The following PCGF5 variants were observed in gnomAD, a reference collection of about 807,000 sequenced individuals.
The protein encoded by PCGF5 is polycomb group ring finger 5, also known as polycomb group RING finger protein 5.
In PCGF5, 9 loss-of-function variants were observed where a neutral mutation model predicts 44.3. The observed-to-expected ratio is 0.20, with a 90% CI of 0.12 to 0.35. PCGF5 has a LOEUF of 0.35. Ranked by LOEUF, PCGF5 falls within the 10% of genes least tolerant of loss-of-function variation. PCGF5 has a pLI of 1.00. For synonymous variants in PCGF5, 95 were observed against 102.5 expected (o/e 0.93, Z 0.44); for missense variants, 146 against 305.3 (o/e 0.48, Z 3.89).
intron 3 of PCGF5, among the ~76,000 whole-genome samples, chr10:91,243,537 G>T (rs1325812929): frequency 6.6e-6 from 1 of 152,146 alleles, no homozygotes; most frequent in Admixed American, 6.5e-5. Flanking sequence ...TAGCATAGCA[G>T]AGAGGTGAAG....
Position 91,278,395 on chromosome 10 carries a change from G to A in PCGF5, c.*79G>A. 1.6e-6 allele frequency: 2 copies of A among 1,281,056 alleles called. No homozygotes were observed. Among genetic ancestry groups the A allele is most frequent in the Non-Finnish European group, 2.3e-6 (2 of 879,502 alleles). 79.4% of individuals were successfully genotyped at this position (1,281,056 alleles called of 1,614,324 possible). ...CAACAGATTGCACAGTTAACGGTGT[G>A]TGGACTAGAGGAACACAACCAGATT... On this transcript the variant is annotated 3_prime_UTR_variant, in exon 10 of 10. Coordinates refer to ENST00000336126, the MANE Select transcript of PCGF5 (RefSeq NM_032373.5).
At chr10:91,177,279 A>T (rs1421474662) in intron 1 of PCGF5, among the ~76,000 whole-genome samples, 1 of 151,620 alleles carries the variant, frequency 6.6e-6, no homozygotes, top group African/African-American at 2.4e-5. Flanking sequence ...TTTGTCTCAG[A>T]GGGGTACCCG....
At chr10:91,262,617 G>A (rs1194291456) in intron 7 of PCGF5, among the ~76,000 whole-genome samples, 1 of 152,168 alleles carries the variant, frequency 6.6e-6, no homozygotes, top group Non-Finnish European at 1.5e-5. Context: ...GGAAGCCGCT[G>A]ATCCTGAGCT....
chr10:91,202,784 T>TA (rs1844276985), intron 1 of PCGF5, among the ~76,000 whole-genome samples: 1 of 152,210 alleles, frequency 6.6e-6, no homozygotes, highest in South Asian at 2.1e-4. Flanking sequence ...AGATTGGCCA[T>TA]TTATGCTATA....
Position 91,191,414 on chromosome 10 carries a change from A to G in PCGF5, c.-184+28333A>G, listed in dbSNP as rs78530014. Among the ~76,000 whole-genome samples, 1,360 of 152,300 alleles carry G rather than the reference A, an allele frequency of 8.9e-3. 16 individuals carry two copies. Among genetic ancestry groups the G allele is most frequent in the African/African-American group, 0.031 (1,271 of 41,548 alleles). On this transcript the variant is annotated intron_variant, in intron 1 of 9. Coordinates refer to the PCGF5 transcript ENST00000614189. ...ACAGAGAGGGACCACATGAGATATCATCACACTACTCAGATGGCACACAAT... is the reference window on the plus strand; with the variant it reads ...ACAGAGAGGGACCACATGAGATATCGTCACACTACTCAGATGGCACACAAT...
chr10:91,252,623 A>G (rs936766494), intron 6 of PCGF5, among the ~76,000 whole-genome samples: 1 of 152,032 alleles, frequency 6.6e-6, no homozygotes, highest in African/African-American at 2.4e-5. Context: ...CACTGTACCT[A>G]TTTATCCTTA....
chr10:91,179,630 A>G (rs1356811866), intron 1 of PCGF5, among the ~76,000 whole-genome samples: 1 of 152,182 alleles, frequency 6.6e-6, no homozygotes, highest in Non-Finnish European at 1.5e-5. Context: ...TTAGTTTGCT[A>G]AGGATAATGG....
In PCGF5 at chr10:91,222,959, A is replaced by G; in HGVS notation, c.88A>G (p.Thr30Ala). The G allele has an allele frequency of 6.2e-7, 1 of 1,606,048 alleles. No homozygotes were observed. The highest frequency in any genetic ancestry group is 8.5e-7 in the Non-Finnish European group (1 of 1,172,626). The change falls in exon 2 of 10, where the codon ACA becomes GCA. Residue 30 changes from threonine to alanine, a missense_variant. Thr to Ala is a moderately conservative substitution (Grantham distance 58). Coordinates refer to ENST00000336126, the MANE Select transcript of PCGF5 (RefSeq NM_032373.5). ...ICKGYLIKPTTVTECLHTFCK... is the reference protein window; with the variant it reads ...ICKGYLIKPTAVTECLHTFCK... Reference sequence around the variant, plus strand: ...TAAAGGGTATCTGATCAAGCCAACAACAGTGACGGAATGCCTCCATACATG... The same window carrying G: ...TAAAGGGTATCTGATCAAGCCAACAGCAGTGACGGAATGCCTCCATACATG...
intron 2 of PCGF5, among the ~76,000 whole-genome samples, chr10:91,237,298 TAATAAC>T (rs976477142): frequency 2.6e-5 from 4 of 152,216 alleles, no homozygotes; most frequent in African/African-American, 9.7e-5. Context: ...TTAACTATGA[TAATAAC>T]AGTATATCAT....
At chr10:91,244,736 T>C (rs1315966950) in intron 3 of PCGF5, among the ~76,000 whole-genome samples, 3 of 152,256 alleles carry the variant, frequency 2.0e-5, no homozygotes, top group African/African-American at 7.2e-5. Flanking sequence ...CAGCAAGGTT[T>C]GCTGGTGGAT....
intron 1 of PCGF5, among the ~76,000 whole-genome samples, chr10:91,198,897 A>G (rs1475197037): frequency 1.3e-5 from 2 of 152,174 alleles, no homozygotes; most frequent in Non-Finnish European, 2.9e-5. Context: ...TTTTCTTGCC[A>G]GGCCATTCTT....
At chr10:91,180,589 G>A (rs1843800413) in intron 1 of PCGF5, among the ~76,000 whole-genome samples, 1 of 151,854 alleles carries the variant, frequency 6.6e-6, no homozygotes, top group Non-Finnish European at 1.5e-5. Context: ...ATTTATTTAT[G>A]CTATTTATGA....
At chr10:91,217,028 G>A (rs1844553684), upstream of PCGF5, among the ~76,000 whole-genome samples, 1 of 150,068 alleles carries the variant, frequency 6.7e-6, no homozygotes, top group South Asian at 2.1e-4. Context: ...TTATAATAAT[G>A]AAAATTTCAC....
At chr10:91,245,687 G>A (rs1242972312) in intron 3 of PCGF5, among the ~76,000 whole-genome samples, 1 of 152,174 alleles carries the variant, frequency 6.6e-6, no homozygotes, top group Non-Finnish European at 1.5e-5. Context: ...TGTAGCAACA[G>A]GCAGGCAGAC....
upstream of PCGF5, among the ~76,000 whole-genome samples, chr10:91,218,648 A>T (rs1010065214): frequency 6.6e-6 from 1 of 152,046 alleles, no homozygotes; most frequent in Non-Finnish European, 1.5e-5. Flanking sequence ...TATTATTATT[A>T]TTGAGACAGA....
intron 2 of PCGF5, among the ~76,000 whole-genome samples, chr10:91,226,725 A>G (rs1844850991): frequency 6.6e-6 from 1 of 152,158 alleles, no homozygotes; most frequent in African/African-American, 2.4e-5. Context: ...TGAGCTCATC[A>G]AAAGGAAATA....
intron 2 of PCGF5, among the ~76,000 whole-genome samples, chr10:91,235,811 T>A (rs554209922): frequency 6.6e-6 from 1 of 152,228 alleles, no homozygotes; most frequent in Non-Finnish European, 1.5e-5. Context: ...GACTTGCTCC[T>A]CCTTGCCTTC....
intron 9 of PCGF5, among the ~76,000 whole-genome samples, chr10:91,274,388 T>A (rs576594854): frequency 6.6e-6 from 1 of 152,150 alleles, no homozygotes; most frequent in African/African-American, 2.4e-5. Context: ...GCCTTAAACA[T>A]AGACATATGA....
chr10:91,232,985 A>T (rs972491754), intron 2 of PCGF5, among the ~76,000 whole-genome samples: 18 of 152,180 alleles, frequency 1.2e-4, no homozygotes, highest in African/African-American at 4.3e-4. Flanking sequence ...ACAAAGTTCC[A>T]CTGTAATCTT....
Sources: allele counts gnomAD v4.1 joint callset (sites outside exome capture counted in the v4.1 genomes callset), GRCh38; gene constraint gnomAD v4.1.1; transcripts MANE v1.5; gene names NCBI Gene and HGNC (gene_info 2026-07-23, HGNC 2026-07-21).